The following THRB variants were observed in gnomAD, a reference collection of about 807,000 sequenced individuals.
THRB encodes thyroid hormone receptor beta.
Under a neutral mutation model 47.8 loss-of-function variants are expected in THRB, and 12 were observed. That is an observed-to-expected ratio of 0.25 (90% CI 0.16 to 0.41). The LOEUF (loss-of-function observed/expected upper bound fraction) is 0.41, where lower values mean the gene tolerates loss of function less well. THRB is among the 10% of genes least tolerant of loss of function. The pLI, the probability that THRB is intolerant of heterozygous loss-of-function variation, is 1.00. For synonymous variants in THRB, 218 were observed against 212.2 expected (o/e 1.03, Z -0.24); for missense variants, 348 against 589.2 (o/e 0.59, Z 4.24).
intron 1 of THRB, among the ~76,000 whole-genome samples, chr3:24,356,686 GT>G (rs11347751): frequency 0.034 from 5,209 of 152,110 alleles, 287 homozygotes; most frequent in African/African-American, 0.12. Flanking sequence ...ATGCTTTCAG[GT>G]ATTTGTTACA....
At chr3:24,171,714 C>T (rs1260192161) in intron 5 of THRB, among the ~76,000 whole-genome samples, 2 of 151,994 alleles carry the variant, frequency 1.3e-5, no homozygotes, top group African/African-American at 2.4e-5. Context: ...TGTCTTAGGC[C>T]TGGGGATTGA....
chr3:24,381,648 A>T (rs932580077), intron 1 of THRB, among the ~76,000 whole-genome samples: 3 of 152,172 alleles, frequency 2.0e-5, no homozygotes, highest in African/African-American at 7.2e-5. Flanking sequence ...CCTTGTCTTT[A>T]AAAAACATAG....
intron 1 of THRB, among the ~76,000 whole-genome samples, chr3:24,482,461 C>A (rs1427841955): frequency 6.6e-6 from 1 of 152,068 alleles, no homozygotes; most frequent in African/African-American, 2.4e-5. Context: ...GATACCTACC[C>A]TTCCCTTCAA....
intron 5 of THRB, among the ~76,000 whole-genome samples, chr3:24,185,742 G>A (rs1472944000): frequency 6.6e-6 from 1 of 152,186 alleles, no homozygotes; most frequent in Non-Finnish European, 1.5e-5. Context: ...AGCAGGGCTG[G>A]TTAGGTCCAG....
chr3:24,226,431 A>G (rs1395117448), intron 4 of THRB, among the ~76,000 whole-genome samples: 2 of 152,228 alleles, frequency 1.3e-5, no homozygotes, highest in Non-Finnish European at 2.9e-5. Flanking sequence ...ATATGAGCCC[A>G]CTAACGTATA....
At chr3:24,192,372 T>C (rs1402329636) in intron 4 of THRB, among the ~76,000 whole-genome samples, 1 of 152,132 alleles carries the variant, frequency 6.6e-6, no homozygotes, top group East Asian at 1.9e-4. Context: ...TCAGCACACA[T>C]GTTTTTATGG....
At chr3:24,397,600 CTTT>C (rs11383377) in intron 1 of THRB, among the ~76,000 whole-genome samples, 1 of 138,264 alleles carries the variant, frequency 7.2e-6, no homozygotes. Context: ...TTTAGCAAGT[CTTT>C]TTTTTTTTTT....
intron 2 of THRB, among the ~76,000 whole-genome samples, chr3:24,304,463 C>A (rs1446941151): frequency 6.6e-6 from 1 of 151,752 alleles, no homozygotes; most frequent in African/African-American, 2.4e-5. Context: ...AAATTAAAAT[C>A]ATAAGCTATC....
intron 3 of THRB, among the ~76,000 whole-genome samples, chr3:24,239,162 G>A (rs999764800): frequency 1.3e-5 from 2 of 152,114 alleles, no homozygotes; most frequent in Non-Finnish European, 2.9e-5. Context: ...GTCTGGTCTT[G>A]AACTCTTGGC....
At chr3:24,431,190 G>A (rs1281901376) in intron 1 of THRB, 1 of 151,436 alleles carries the variant, frequency 6.6e-6, no homozygotes, top group African/African-American at 2.4e-5. Context: ...AAGTGAAATA[G>A]TAAGCCAAAA....
chr3:24,157,226 C>T (rs2037995934), intron 5 of THRB, among the ~76,000 whole-genome samples: 1 of 151,788 alleles, frequency 6.6e-6, no homozygotes, highest in Admixed American at 6.6e-5. Context: ...CCTACCCCTG[C>T]TTGGAGTCTT....
At chr3:24,154,644 G>C in intron 5 of THRB, among the ~76,000 whole-genome samples, 1 of 152,172 alleles carries the variant, frequency 6.6e-6, no homozygotes, top group East Asian at 1.9e-4. Context: ...ATGTGCTTTT[G>C]TGTGCATATA....
chr3:24,460,568 A>T (rs1015331149), intron 1 of THRB, among the ~76,000 whole-genome samples: 2 of 152,226 alleles, frequency 1.3e-5, no homozygotes, highest in African/African-American at 4.8e-5. Context: ...GGAAGAGAAC[A>T]TAAAGCTTAA....
chr3:24,360,949 G>A (rs999538738), intron 1 of THRB, among the ~76,000 whole-genome samples: 1 of 152,062 alleles, frequency 6.6e-6, no homozygotes. Flanking sequence ...ACCACCTCAC[G>A]TGATTCTATT....
intron 5 of THRB, among the ~76,000 whole-genome samples, chr3:24,176,823 G>A (rs1021796151): frequency 1.6e-4 from 25 of 152,106 alleles, no homozygotes; most frequent in Non-Finnish European, 3.2e-4. Flanking sequence ...ACGACTCAAA[G>A]TTTCTTTTGG....
In THRB at chr3:24,420,037, C is replaced by T. The variant is rs1407950581; in HGVS notation, c.-261+74615G>A. On this transcript the variant is annotated intron_variant, in intron 1 of 10. Transcript: ENST00000646209. ...TCTGAGAACCTGTTTATCTATAAAGCGATGAACTTATTTATCTTGCAGAGT... is the reference window on the plus strand; with the variant it reads ...TCTGAGAACCTGTTTATCTATAAAGTGATGAACTTATTTATCTTGCAGAGT... Among the ~76,000 whole-genome samples, 12 of 151,860 alleles carry T rather than the reference C, an allele frequency of 7.9e-5. No homozygotes were observed. In the South Asian group the frequency reaches 1.7e-3, roughly 21 times the overall value.
At position 24,120,587 on chromosome 3, in the gene THRB, C is replaced by G. The variant is rs1049963200; in HGVS notation, c.*2297G>C. On this transcript the variant is annotated 3_prime_UTR_variant, in exon 11 of 11. Coordinates refer to ENST00000646209, the MANE Select transcript of THRB (RefSeq NM_001354712.2). ...ATTCCCTTTGGAAAGAAAGCTTGCC[C>G]CAGACAGCAGAGCTTCTCAGGGTTA... The G allele has an allele frequency of 6.6e-6, 1 of 152,232 alleles. No individual in the cohort carries two copies. Among genetic ancestry groups the G allele is most frequent in the Admixed American group, 6.5e-5 (1 of 15,284 alleles). The allele number at this position is 152,232 out of a possible 1,614,324, so 9.4% of individuals were successfully genotyped here. A position where few individuals can be genotyped will look rare whatever the true frequency, so the allele number is the denominator to read the frequency against.
At chr3:24,341,938 A>G (rs2062683508) in intron 1 of THRB, among the ~76,000 whole-genome samples, 1 of 152,140 alleles carries the variant, frequency 6.6e-6, no homozygotes, top group Non-Finnish European at 1.5e-5. Flanking sequence ...AAGGAAGATG[A>G]GCAGAGTCAC....
At chr3:24,207,016 CA>C (rs1559599809) in intron 4 of THRB, among the ~76,000 whole-genome samples, 1 of 151,944 alleles carries the variant, frequency 6.6e-6, no homozygotes, top group Non-Finnish European at 1.5e-5. Flanking sequence ...GCCTACCAAC[CA>C]AAAAAAGTCC....
Sources: gnomAD v4.1 joint callset for allele counts (sites outside exome capture counted in the v4.1 genomes callset) on GRCh38, gnomAD v4.1.1 for gene constraint, MANE v1.5 for transcripts, NCBI Gene and HGNC (gene_info 2026-07-23, HGNC 2026-07-21) for gene names.